The following LIPC variants were observed in gnomAD, a reference collection of about 807,000 sequenced individuals.
LIPC encodes hepatic triacylglycerol lipase.
LIPC carries 44 observed loss-of-function variants against 50.7 expected under a neutral mutation model. The ratio of observed to expected loss-of-function variants is 0.87; its 90% confidence interval spans 0.68 to 1.11. The LOEUF is 1.11. Among genes scored for constraint, LIPC ranks in the 50% most tolerant of loss-of-function variants. The pLI is 0.00. For synonymous variants in LIPC, 271 were observed against 256.4 expected, an observed-to-expected ratio of 1.06 and a Z score of -0.54; for missense variants, 697 against 648.2, an observed-to-expected ratio of 1.08 and a Z score of -0.82.
intron 1 of LIPC, among the ~76,000 whole-genome samples, chr15:58,513,286 T>C (rs1315203434): frequency 6.6e-6 from 1 of 152,192 alleles, no homozygotes; most frequent in Non-Finnish European, 1.5e-5. Flanking sequence ...AAGGCTTCAG[T>C]CAGAAAACAT....
chr15:58,469,302 G>A (rs1412264311), intron 1 of LIPC, among the ~76,000 whole-genome samples: 4 of 152,054 alleles, frequency 2.6e-5, no homozygotes, highest in Non-Finnish European at 5.9e-5. Flanking sequence ...CCCACCCTAA[G>A]GAATATAGTT....
chr15:58,494,199 C>T (rs1163740520), intron 1 of LIPC, among the ~76,000 whole-genome samples: 1 of 152,224 alleles, frequency 6.6e-6, no homozygotes, highest in African/African-American at 2.4e-5. Flanking sequence ...GCAAGAGGCT[C>T]CACAATGGAA....
At chr15:58,461,764 CG>C (rs1413800518) in intron 1 of LIPC, among the ~76,000 whole-genome samples, 1 of 151,974 alleles carries the variant, frequency 6.6e-6, no homozygotes, top group Non-Finnish European at 1.5e-5. Flanking sequence ...ATCTATGTGC[CG>C]AAGAAAGGAA....
intron 6 of LIPC, 96 bp downstream of exon 6, chr15:58,548,668 C>G: frequency 6.8e-7 from 1 of 1,478,502 alleles, no homozygotes; most frequent in Non-Finnish European, 9.1e-7. Flanking sequence ...GGAGGTGCTT[C>G]AGCTCTGCTG....
chr15:58,506,724 A>C (rs1198766528), intron 1 of LIPC, among the ~76,000 whole-genome samples: 1 of 152,176 alleles, frequency 6.6e-6, no homozygotes, highest in African/African-American at 2.4e-5. Context: ...CCAACTCCTA[A>C]GCCCTGCTGG....
chr15:58,468,476 G>A (rs938736933), intron 1 of LIPC, among the ~76,000 whole-genome samples: 11 of 152,222 alleles, frequency 7.2e-5, no homozygotes, highest in Admixed American at 2.6e-4. Flanking sequence ...ATGCACACCC[G>A]TTTGAGAACC....
chr15:58,459,749 C>T (rs578228000), intron 1 of LIPC, among the ~76,000 whole-genome samples: 3 of 152,244 alleles, frequency 2.0e-5, no homozygotes, highest in African/African-American at 7.2e-5. Context: ...AATCCACACC[C>T]GTCCCCAAGG....
intron 1 of LIPC, among the ~76,000 whole-genome samples, chr15:58,493,482 T>TA (rs1271246434): frequency 4.7e-5 from 7 of 147,862 alleles, no homozygotes; most frequent in African/African-American, 4.9e-5. Flanking sequence ...TATATATATA[T>TA]TTTTTTGTGT....
At chr15:58,516,205 G>GAGTATGC (rs1352694918) in intron 1 of LIPC, among the ~76,000 whole-genome samples, 8 of 143,468 alleles carry the variant, frequency 5.6e-5, no homozygotes. Context: ...CTTTGTCACT[G>GAGTATGC]AGTATGCAGT....
intron 8 of LIPC, chr15:58,565,835 GA>G (rs1894347326): frequency 1.0e-6 from 1 of 984,534 alleles, no homozygotes; most frequent in Non-Finnish European, 1.2e-6. Context: ...CGGGTTATGG[GA>G]GCTATAATTT....
At chr15:58,474,506 G>C (rs1004957448) in intron 1 of LIPC, among the ~76,000 whole-genome samples, 2 of 91,574 alleles carry the variant, frequency 2.2e-5, no homozygotes, top group South Asian at 9.4e-4. Flanking sequence ...GCTAGACCCT[G>C]TCTCAGGAAA....
At chr15:58,536,472 A>C (rs1893125721) in intron 1 of LIPC, among the ~76,000 whole-genome samples, 1 of 152,186 alleles carries the variant, frequency 6.6e-6, no homozygotes, top group Non-Finnish European at 1.5e-5. Context: ...AGGCTGCTGT[A>C]ATAAACCAAG....
Position 58,491,087 on chromosome 15 carries a change from G to A in LIPC, c.89-47246G>A, listed in dbSNP as rs1274272039. Among the ~76,000 whole-genome samples the A allele has an allele frequency of 4.6e-5, 7 of 152,306 alleles. No homozygotes were observed. The East Asian group carries it at 1.4e-3, about 29-fold the overall frequency. ...GGAACAAAAGCACCCTTGAAGAACA[G>A]GTAAAGGGAGCCTGGTCTGAATTCT... is the stretch of plus-strand genomic sequence containing the variant. On this transcript the variant is annotated intron_variant, in intron 1 of 8. Transcript: ENST00000299022.
intron 1 of LIPC, among the ~76,000 whole-genome samples, chr15:58,506,157 G>A (rs1223099809): frequency 1.3e-5 from 2 of 152,156 alleles, no homozygotes; most frequent in Non-Finnish European, 2.9e-5. Context: ...ACACCTGTGG[G>A]GCTCCTTTCC....
intron 1 of LIPC, among the ~76,000 whole-genome samples, chr15:58,458,826 G>A (rs1354693582): frequency 6.6e-6 from 1 of 152,110 alleles, no homozygotes; most frequent in African/African-American, 2.4e-5. Flanking sequence ...AGTGGAACAG[G>A]AAAAAGGTTT....
intron 1 of LIPC, among the ~76,000 whole-genome samples, chr15:58,439,675 T>A (rs1234372322): frequency 6.6e-6 from 1 of 152,156 alleles, no homozygotes; most frequent in Non-Finnish European, 1.5e-5. Flanking sequence ...AACTCTTGAC[T>A]TCGTGATCTG....
rs200041513 is a variant in LIPC, at chr15:58,515,537, T to C, written c.89-22796T>C. 4.6e-4 allele frequency among the ~76,000 whole-genome samples: 64 copies of C among 140,564 alleles called. 2 individuals carry two copies. Among genetic ancestry groups the C allele is most frequent in the Admixed American group, 3.4e-3 (44 of 13,072 alleles). The allele number at this position is 140,564 out of a possible 152,430, so 92.2% of individuals were successfully genotyped here. On this transcript the variant is annotated intron_variant, in intron 1 of 8. Coordinates refer to ENST00000299022, the MANE Select transcript of LIPC (RefSeq NM_000236.3). ...AGGTCTTTGCATATACACACACATA[T>C]ATATATATATATATATCTCAAAATA...
At chr15:58,515,106 T>C (rs1892445804) in intron 1 of LIPC, among the ~76,000 whole-genome samples, 1 of 152,198 alleles carries the variant, frequency 6.6e-6, no homozygotes. Flanking sequence ...TTTCTCTCTC[T>C]GATTCTAAGC....
At chr15:58,451,904 A>G (rs760774179) in intron 1 of LIPC, among the ~76,000 whole-genome samples, 2 of 152,234 alleles carry the variant, frequency 1.3e-5, no homozygotes, top group Middle Eastern at 3.4e-3. Context: ...AGACCTCGTG[A>G]GTGTGGGGAA....
Sources: gnomAD v4.1 joint callset for allele counts (sites outside exome capture counted in the v4.1 genomes callset) on GRCh38, gnomAD v4.1.1 for gene constraint, MANE v1.5 for transcripts, NCBI Gene and HGNC (gene_info 2026-07-23, HGNC 2026-07-21) for gene names.